Variants in PCSK6 observed in about 807,000 individuals in gnomAD.
PCSK6 encodes proprotein convertase subtilisin/kexin type 6, also known as paired basic amino acid cleaving enzyme 4.
A neutral mutation model predicts 123.3 loss-of-function variants in PCSK6; 85 were observed. The observed-to-expected ratio is 0.69, with a 90% CI of 0.58 to 0.83. The LOEUF (loss-of-function observed/expected upper bound fraction) is 0.83, where lower values mean the gene tolerates loss of function less well. Ranked by LOEUF, PCSK6 falls within the 40% of genes least tolerant of loss-of-function variation. PCSK6 has a pLI of 0.00. For synonymous variants in PCSK6, 508 were observed against 516.0 expected (o/e 0.98, Z 0.21); for missense variants, 1,191 against 1,282.3 (o/e 0.93, Z 1.09).
chr15:101,326,576 G>A (rs997898856), intron 15 of PCSK6, 97 bp from the exon 16 acceptor site: 53 of 1,235,796 alleles, frequency 4.3e-5, no homozygotes, highest in Middle Eastern at 1.9e-4. Flanking sequence ...AGCTTGGCAG[G>A]GTTGGGAGAC....
chr15:101,348,349 C>T (rs141622692), intron 13 of PCSK6, among the ~76,000 whole-genome samples: 7 of 152,366 alleles, frequency 4.6e-5, no homozygotes, highest in African/African-American at 7.2e-5. Context: ...TGGGGAGACA[C>T]GCAGTGGGGC....
chr15:101,438,880 G>A (rs1357552153), intron 2 of PCSK6, among the ~76,000 whole-genome samples: 1 of 152,250 alleles, frequency 6.6e-6, no homozygotes. Context: ...GGATATTGGA[G>A]CCCAGAGGGG....
intron 1 of PCSK6, among the ~76,000 whole-genome samples, chr15:101,458,549 T>C (rs2057252810): frequency 6.6e-6 from 1 of 152,086 alleles, no homozygotes; most frequent in Non-Finnish European, 1.5e-5. Context: ...TTACAGACCA[T>C]CGTCTGTCTC....
rs757404163 is a variant in PCSK6 at position 101,398,473 on chromosome 15, G to A, written c.927C>T (p.Asp309=). The A allele has an allele frequency of 1.6e-5, 26 of 1,613,968 alleles. No individual in the cohort carries two copies. The Admixed American group carries it at 2.3e-4, about 14-fold the overall frequency. Reference sequence around the variant, plus strand: ...GCCCGTCCACCGTCTTGCCGTCGTCGTCCGGCCCCCAGCTGGCACTGTAAA... The same window carrying A: ...GCCCGTCCACCGTCTTGCCGTCGTCATCCGGCCCCCAGCTGGCACTGTAAA... ...IDIYSASWGP[D]DDGKTVDGPG... is the part of the protein sequence containing the mutation. Residue 309 remains aspartate (D), a synonymous_variant, in exon 7 of 22, where the codon GAC becomes GAT. Coordinates refer to ENST00000611716, the MANE Select transcript of PCSK6 (RefSeq NM_002570.5). The surrounding 1 kb of genome is among the most constrained non-coding windows in gnomAD (Gnocchi z 4.6).
At chr15:101,307,498 G>C (rs895374255) in intron 20 of PCSK6, 173 bp from the exon 21 acceptor site, 6 of 590,552 alleles carry the variant, frequency 1.0e-5, no homozygotes, top group Non-Finnish European at 1.8e-5. Context: ...GTGTCTGCAT[G>C]TCTTTTCTCC....
intron 9 of PCSK6, 120 bp from the exon 10 acceptor site, chr15:101,384,545 TAAGGACTGCATTCCTTGGC>T (rs1269251815): frequency 1.5e-6 from 1 of 667,232 alleles, no homozygotes; most frequent in African/African-American, 1.8e-5. Flanking sequence ...CCCCTCAGGC[TAAGGACTGCATTCCTTGGC>T]AAGGGTTTAT....
Position 101,322,066 on chromosome 15 carries a change from A to T in PCSK6, c.2465+454T>A, listed in dbSNP as rs570550698. On this transcript the variant is annotated intron_variant, in intron 18 of 21. Coordinates refer to ENST00000611716, the MANE Select transcript of PCSK6 (RefSeq NM_002570.5). ...AGCTTTATGGGGCTGAGCCTGATGA[A>T]CAGGGAGAACCAGGAACGTAAAGAG... 9.8e-5 allele frequency among the ~76,000 whole-genome samples: 15 copies of T among 152,334 alleles called. No homozygotes were observed. In the South Asian group the frequency reaches 3.1e-3, roughly 32 times the overall value.
intron 13 of PCSK6, chr15:101,365,881 T>G: frequency 1.4e-5 from 3 of 210,902 alleles, no homozygotes; most frequent in Non-Finnish European, 2.8e-5. Flanking sequence ...GGTAAGTGGA[T>G]TAGAGGTTGC....
chr15:101,418,037 T>C (rs889324429), intron 6 of PCSK6, among the ~76,000 whole-genome samples: 2 of 152,136 alleles, frequency 1.3e-5, no homozygotes, highest in Admixed American at 6.5e-5. Flanking sequence ...GAAACAATTA[T>C]AACTATAAAC....
chr15:101,379,327 C>A (rs1239051030), intron 11 of PCSK6, among the ~76,000 whole-genome samples: 2 of 152,162 alleles, frequency 1.3e-5, no homozygotes, highest in Non-Finnish European at 2.9e-5. Context: ...TCCCTCAGGA[C>A]CATGTGTGAC....
At chr15:101,380,777 G>A (rs950388686) in intron 11 of PCSK6, among the ~76,000 whole-genome samples, 7 of 152,208 alleles carry the variant, frequency 4.6e-5, no homozygotes, top group Non-Finnish European at 8.8e-5. Flanking sequence ...TGTATTACAA[G>A]AGTAGAGGCA....
intron 13 of PCSK6, among the ~76,000 whole-genome samples, chr15:101,363,709 A>G (rs955803574): frequency 7.3e-5 from 11 of 151,318 alleles, no homozygotes; most frequent in Non-Finnish European, 1.3e-4. Context: ...GGCTCACTGT[A>G]AGCTCCGCCT....
chr15:101,471,448 G>C (rs1281323670), intron 1 of PCSK6, among the ~76,000 whole-genome samples: 2 of 152,130 alleles, frequency 1.3e-5, no homozygotes, highest in Non-Finnish European at 2.9e-5. Context: ...CCATTACCTT[G>C]ATTCTACCAT....
At chr15:101,463,176 T>C in intron 1 of PCSK6, 1 of 451,386 alleles carries the variant, frequency 2.2e-6, no homozygotes, top group South Asian at 1.6e-5. Flanking sequence ...ACAGGGGCCT[T>C]CTGGTTGGCT....
At chr15:101,342,855 T>G (rs922709930) in intron 13 of PCSK6, among the ~76,000 whole-genome samples, 1 of 152,090 alleles carries the variant, frequency 6.6e-6, no homozygotes, top group South Asian at 2.1e-4. Context: ...TGGGCTGAGA[T>G]TGCACCACTG....
At chr15:101,320,623 T>C (rs961405690) in intron 18 of PCSK6, among the ~76,000 whole-genome samples, 1 of 152,226 alleles carries the variant, frequency 6.6e-6, no homozygotes, top group African/African-American at 2.4e-5. Context: ...TTCCTCTTCA[T>C]GGTGCCATGC....
At chr15:101,439,968 G>A (rs1411013653) in intron 2 of PCSK6, among the ~76,000 whole-genome samples, 3 of 151,804 alleles carry the variant, frequency 2.0e-5, no homozygotes, top group Non-Finnish European at 4.4e-5. Flanking sequence ...CTGAACCCAA[G>A]TCATCATGCT....
At chr15:101,332,398 C>G (rs113341698) in intron 13 of PCSK6, among the ~76,000 whole-genome samples, 41 of 152,348 alleles carry the variant, frequency 2.7e-4, no homozygotes, top group Non-Finnish European at 4.3e-4. Context: ...CTAGCAGCAG[C>G]CACCTTCCCG....
chr15:101,389,906 G>T (rs2042175058), intron 8 of PCSK6, among the ~76,000 whole-genome samples: 1 of 152,104 alleles, frequency 6.6e-6, no homozygotes, highest in Non-Finnish European at 1.5e-5. Flanking sequence ...CACCCCACAA[G>T]CCCTCATCCC....
Sources: gnomAD v4.1 joint callset for allele counts (sites outside exome capture counted in the v4.1 genomes callset) on GRCh38, gnomAD v4.1.1 for gene constraint, Gnocchi (gnomAD v3.1) non-coding constraint, MANE v1.5 for transcripts, NCBI Gene and HGNC (gene_info 2026-07-23, HGNC 2026-07-21) for gene names.